Variants in NFAT5 observed in about 807,000 individuals in gnomAD.
NFAT5 encodes the protein nuclear factor of activated T-cells 5.
Under a neutral mutation model 166.5 loss-of-function variants are expected in NFAT5, and 31 were observed. That is an observed-to-expected ratio of 0.19 (90% CI 0.14 to 0.25). The LOEUF (loss-of-function observed/expected upper bound fraction) is 0.25, where lower values mean the gene tolerates loss of function less well. Ranked by LOEUF, NFAT5 falls within the 10% of genes least tolerant of loss-of-function variation. NFAT5 has a pLI of 1.00. For synonymous variants in NFAT5, 612 were observed against 639.7 expected (o/e 0.96, Z 0.65); for missense variants, 1,449 against 1,821.8 (o/e 0.80, Z 3.72).
intron 10 of NFAT5, 112 bp downstream of exon 10, chr16:69,677,447 T>A: frequency 1.2e-6 from 1 of 810,006 alleles, no homozygotes; most frequent in Non-Finnish European, 1.8e-6. Context: ...TAAGATGAAT[T>A]GATGTTAGTT....
intron 6 of NFAT5, 112 bp from the exon 7 acceptor site, chr16:69,659,615 A>G (rs553665078): frequency 3.3e-5 from 25 of 757,644 alleles, no homozygotes; most frequent in Non-Finnish European, 2.0e-5. Context: ...ACTTTATTAC[A>G]TATTCACAGA....
At chr16:69,641,330 ATGATTATTTT>A (rs1250185188) in intron 3 of NFAT5, among the ~76,000 whole-genome samples, 1 of 149,910 alleles carries the variant, frequency 6.7e-6, no homozygotes, top group Non-Finnish European at 1.5e-5. Flanking sequence ...CTTTTTTTTA[ATGATTATTTT>A]TGAATAGTCA....
chr16:69,581,118 T>C (rs1326201476), intron 2 of NFAT5, among the ~76,000 whole-genome samples: 1 of 152,080 alleles, frequency 6.6e-6, no homozygotes, highest in Non-Finnish European at 1.5e-5. Context: ...CCTGGCTCAC[T>C]GCAACCTCCG....
intron 6 of NFAT5, among the ~76,000 whole-genome samples, chr16:69,658,092 A>AT (rs1013787096): frequency 1.1e-4 from 16 of 150,992 alleles, no homozygotes; most frequent in Middle Eastern, 3.4e-3. Context: ...CAAAAAAAAA[A>AT]AAATAAATAA....
chr16:69,658,784 G>C (rs535683594), intron 6 of NFAT5, among the ~76,000 whole-genome samples: 1 of 152,094 alleles, frequency 6.6e-6, no homozygotes, highest in East Asian at 1.9e-4. Context: ...CTGAGGTAGC[G>C]CCATTGCGCT....
At position 69,566,390 on chromosome 16, in the gene NFAT5, G is replaced by A. The variant is rs749198428; in HGVS notation, c.73+16G>A. ...TACTCGCGAGGTGAGTCAGGCTGTGGGGGGTGGGGCGTGGGGGCGGGGAGA... is the reference window on the plus strand; with the variant it reads ...TACTCGCGAGGTGAGTCAGGCTGTGAGGGGTGGGGCGTGGGGGCGGGGAGA... On this transcript the variant is annotated intron_variant, in intron 1 of 14. Transcript: ENST00000349945. This position sits in a 1 kb window ranked among gnomAD's most constrained non-coding sequence, Gnocchi z 5.7. The A allele has an allele frequency of 1.1e-5, 17 of 1,578,160 alleles. No homozygotes were observed. The highest frequency in any genetic ancestry group is 2.3e-5 in the South Asian group (2 of 86,856).
In NFAT5 at chr16:69,566,585, C is replaced by T. The variant is rs550300914; in HGVS notation, c.73+211C>T. Among the ~76,000 whole-genome samples the T allele has an allele frequency of 1.3e-5, 2 of 152,112 alleles. No homozygotes were observed. The highest frequency in any genetic ancestry group is 4.1e-4 in the South Asian group (2 of 4,824). On this transcript the variant is annotated intron_variant, in intron 1 of 14. Transcript: ENST00000349945. The surrounding 1 kb of genome is among the most constrained non-coding windows in gnomAD (Gnocchi z 5.7). The stretch of plus-strand genomic sequence containing the variant: ...AGTGGCGGCCCCTCCCCCGCGGAGC[C>T]GCCGGCCGCTCGGGGCCCAGATTCC...
At chr16:69,605,569 T>A (rs1270667032) in intron 2 of NFAT5, among the ~76,000 whole-genome samples, 2 of 152,250 alleles carry the variant, frequency 1.3e-5, no homozygotes, top group African/African-American at 4.8e-5. Context: ...TTTGAGAAAC[T>A]TCTTTCTAAT....
At chr16:69,580,134 CTATTT>C (rs2031571608) in intron 2 of NFAT5, among the ~76,000 whole-genome samples, 1 of 151,866 alleles carries the variant, frequency 6.6e-6, no homozygotes, top group Non-Finnish European at 1.5e-5. Context: ...AATGTAATAA[CTATTT>C]TAATGTAATA....
intron 7 of NFAT5, among the ~76,000 whole-genome samples, chr16:69,661,594 G>C (rs1044556755): frequency 1.0e-5 from 1 of 100,258 alleles, no homozygotes; most frequent in African/African-American, 3.8e-5. Context: ...AGTGCTTTTT[G>C]TTTTTAATTT....
In NFAT5 at chr16:69,700,327, A is replaced by C. The variant is rs144320239; in HGVS notation, c.*3976A>C. The C allele has an allele frequency of 6.6e-6, 1 of 152,334 alleles. No homozygotes were observed. The highest frequency in any genetic ancestry group is 1.9e-4 in the East Asian group (1 of 5,190). 9.4% of individuals were successfully genotyped at this position (152,334 alleles called of 1,614,324 possible). A position where few individuals can be genotyped will look rare whatever the true frequency, so the allele number is the denominator to read the frequency against. On this transcript the variant is annotated 3_prime_UTR_variant, in exon 15 of 15. Coordinates refer to ENST00000349945, the MANE Select transcript of NFAT5 (RefSeq NM_138713.4). The stretch of plus-strand genomic sequence containing the variant: ...CAGAACCTCAGCTAATCTACCTAGG[A>C]AAAATAGTATCAAAGGAAATGAGAA...
Position 69,694,008 on chromosome 16 carries a change from T to C in NFAT5, c.4183T>C (p.Ser1395Pro). 1.2e-6 allele frequency: 2 copies of C among 1,614,166 alleles called. No individual in the cohort carries two copies. The highest frequency in any genetic ancestry group is 1.7e-6 in the Non-Finnish European group (2 of 1,180,026). ...AGAGCAGCAAGTAACTCTCTTCTTA[T>C]CTCCAGCATCCATGTCTGCCTTGCA... is the stretch of plus-strand genomic sequence containing the variant. ...SQEQQVTLFL[S>P]PASMSALQTS... The change falls in exon 13 of 15, where the codon TCT (serine) becomes CCT (proline). Residue 1395 changes from serine to proline, a missense_variant. Ser to Pro is a moderately conservative substitution (Grantham distance 74, BLOSUM62 -1). Transcript: ENST00000349945.
chr16:69,680,302 T>C (rs2037004770), intron 10 of NFAT5, among the ~76,000 whole-genome samples: 1 of 152,174 alleles, frequency 6.6e-6, no homozygotes, highest in Admixed American at 6.5e-5. Flanking sequence ...GAAAGGAATT[T>C]ATGTCAGGAA....
At chr16:69,642,875 A>T (rs1199359503) in intron 3 of NFAT5, among the ~76,000 whole-genome samples, 1 of 152,038 alleles carries the variant, frequency 6.6e-6, no homozygotes, top group African/African-American at 2.4e-5. Flanking sequence ...TATAAGTTAG[A>T]CTATAGGTTC....
At chr16:69,654,245 TA>T (rs1374191235) in intron 5 of NFAT5, among the ~76,000 whole-genome samples, 1 of 152,174 alleles carries the variant, frequency 6.6e-6, no homozygotes, top group African/African-American at 2.4e-5. Context: ...AGTCATATGG[TA>T]GATTCTTATT....
Position 69,607,105 on chromosome 16 carries a change from A to G in NFAT5, c.128-19298A>G, listed in dbSNP as rs151061975. On this transcript the variant is annotated intron_variant, in intron 2 of 14. Coordinates refer to ENST00000349945, the MANE Select transcript of NFAT5 (RefSeq NM_138713.4). Reference sequence around the variant, plus strand: ...TCTACACATTATTGCTAGTGCTTACAACTCTACAAGGTAGATAGGTATTAC... The same window carrying G: ...TCTACACATTATTGCTAGTGCTTACGACTCTACAAGGTAGATAGGTATTAC... Among the ~76,000 whole-genome samples the G allele has an allele frequency of 4.4e-4, 67 of 152,318 alleles. 2 individuals are homozygous for G. The East Asian group carries it at 0.012, about 26-fold the overall frequency.
At chr16:69,667,506 AAAAAG>A (rs1304812539) in intron 7 of NFAT5, among the ~76,000 whole-genome samples, 4 of 151,972 alleles carry the variant, frequency 2.6e-5, no homozygotes, top group African/African-American at 7.2e-5. Flanking sequence ...AAAAAAAAAA[AAAAAG>A]AAAGTAACCG....
Position 69,576,078 on chromosome 16 carries a change from G to A in NFAT5, c.127+7530G>A, listed in dbSNP as rs372304134. Among the ~76,000 whole-genome samples the A allele has an allele frequency of 1.9e-4, 29 of 151,902 alleles. 1 individual carries two copies. The highest frequency in any genetic ancestry group is 5.1e-4 in the African/African-American group (21 of 41,436). On this transcript the variant is annotated intron_variant, in intron 2 of 14. Coordinates refer to ENST00000349945, the MANE Select transcript of NFAT5 (RefSeq NM_138713.4). ...AGCACTTTGGGAGGCCGAGGTGGGC[G>A]GATCACGAGGTCAGGAGATCAAGAT... is the stretch of plus-strand genomic sequence containing the variant.
chr16:69,583,626 C>T (rs530376582), intron 2 of NFAT5, among the ~76,000 whole-genome samples: 1 of 152,248 alleles, frequency 6.6e-6, no homozygotes, highest in South Asian at 2.1e-4. Context: ...CTGCAGTAAA[C>T]AATAAAGAAC....
Sources: allele counts gnomAD v4.1 joint callset (sites outside exome capture counted in the v4.1 genomes callset), GRCh38; gene constraint gnomAD v4.1.1; non-coding constraint Gnocchi (gnomAD v3.1); transcripts MANE v1.5; gene names NCBI Gene and HGNC (gene_info 2026-07-23, HGNC 2026-07-21).